VGLL4: variants seen among roughly 807,000 people sequenced by gnomAD.
The protein encoded by VGLL4 is vestigial like family member 4.
A neutral mutation model predicts 21.0 loss-of-function variants in VGLL4; 7 were observed. The ratio of observed to expected loss-of-function variants is 0.33; its 90% CI spans 0.19 to 0.63. The LOEUF is 0.63. VGLL4 is among the 20% of genes least tolerant of loss of function. The pLI, the probability that VGLL4 is intolerant of heterozygous loss-of-function variation, is 0.78. For missense variants in VGLL4, 394 were observed against 425.7 expected, an observed-to-expected ratio of 0.93 and a Z score of 0.66; for synonymous variants, 222 against 173.2, an observed-to-expected ratio of 1.28 and a Z score of -2.21.
chr3:11,676,539 A>C (rs1162927190), intron 2 of VGLL4, among the ~76,000 whole-genome samples: 1 of 151,944 alleles, frequency 6.6e-6, no homozygotes, highest in African/African-American at 2.4e-5. Context: ...CTGAATCACA[A>C]ATCTTGAAAA....
intron 1 of VGLL4, among the ~76,000 whole-genome samples, chr3:11,622,246 G>A (rs112922433): frequency 0.025 from 3,745 of 152,142 alleles, 59 homozygotes; most frequent in Non-Finnish European, 0.035. Context: ...CTTCCCATCC[G>A]GTTTCTTGAT....
At chr3:11,589,965 G>A (rs1381986374) in intron 2 of VGLL4, among the ~76,000 whole-genome samples, 1 of 152,194 alleles carries the variant, frequency 6.6e-6, no homozygotes, top group East Asian at 1.9e-4. Context: ...ACACCACTCA[G>A]TCCATAACAG....
At chr3:11,717,738 T>C (rs1011775561) in intron 1 of VGLL4, among the ~76,000 whole-genome samples, 18 of 152,284 alleles carry the variant, frequency 1.2e-4, no homozygotes, top group Middle Eastern at 3.4e-3. Context: ...AGTTGGGGGA[T>C]AGCAGTAACA....
At chr3:11,581,099 C>T (rs2074212592) in intron 2 of VGLL4, among the ~76,000 whole-genome samples, 1 of 146,632 alleles carries the variant, frequency 6.8e-6, no homozygotes, top group Admixed American at 6.9e-5. Context: ...ATAACTCTTT[C>T]TCTGTCGCCC....
At chr3:11,571,325 C>T (rs559040010) in intron 2 of VGLL4, among the ~76,000 whole-genome samples, 114 of 152,256 alleles carry the variant, frequency 7.5e-4, no homozygotes, top group African/African-American at 1.2e-3. Flanking sequence ...AACCCGAGTG[C>T]GAATGCCGCC....
chr3:11,654,288 A>C (rs2125345857), intron 2 of VGLL4, among the ~76,000 whole-genome samples: 1 of 152,306 alleles, frequency 6.6e-6, no homozygotes, highest in South Asian at 2.1e-4. Context: ...ACAACAAAGG[A>C]TACTAAGTGC....
At chr3:11,660,961 C>T (rs1051505473) in intron 2 of VGLL4, among the ~76,000 whole-genome samples, 1 of 152,144 alleles carries the variant, frequency 6.6e-6, no homozygotes, top group Admixed American at 6.5e-5. Context: ...GCAACAAAAG[C>T]AGCCCATGAT....
At chr3:11,598,438 G>C (rs1345631879) in intron 2 of VGLL4, among the ~76,000 whole-genome samples, 1 of 151,964 alleles carries the variant, frequency 6.6e-6, no homozygotes, top group Non-Finnish European at 1.5e-5. Flanking sequence ...CACCTTTCAG[G>C]CCTTGTTAGC....
At chr3:11,708,535 C>G (rs1420438719) in intron 1 of VGLL4, among the ~76,000 whole-genome samples, 1 of 150,962 alleles carries the variant, frequency 6.6e-6, no homozygotes, top group Non-Finnish European at 1.5e-5. Context: ...TCACGTGTGC[C>G]TGGAGGGCCT....
At chr3:11,630,620 T>C (rs998842153) in intron 1 of VGLL4, among the ~76,000 whole-genome samples, 6 of 152,016 alleles carry the variant, frequency 3.9e-5, no homozygotes, top group Non-Finnish European at 7.4e-5. Context: ...CACTCCAGCC[T>C]GGACAACAAG....
In VGLL4 at chr3:11,560,251, A is replaced by C. The variant is rs565784513; in HGVS notation, c.496-796T>G. On this transcript the variant is annotated intron_variant, in intron 3 of 4. Transcript: ENST00000430365. Reference sequence around the variant, plus strand: ...CGTAAGACCATGCACACCAGGCAGTATGTCTGGCCCCCCAGCTTTGGTGTG... The same window carrying C: ...CGTAAGACCATGCACACCAGGCAGTCTGTCTGGCCCCCCAGCTTTGGTGTG... 2.0e-5 allele frequency among the ~76,000 whole-genome samples: 3 copies of C among 152,350 alleles called. No homozygotes were observed. In the East Asian group the frequency reaches 5.8e-4, roughly 29 times the overall value.
intron 2 of VGLL4, among the ~76,000 whole-genome samples, chr3:11,662,482 T>C (rs1278124073): frequency 1.3e-5 from 2 of 152,174 alleles, no homozygotes; most frequent in African/African-American, 4.8e-5. Context: ...ATAAAATGGA[T>C]TTATCAAAAT....
chr3:11,717,115 T>C (rs937775818), intron 1 of VGLL4, among the ~76,000 whole-genome samples: 1 of 151,836 alleles, frequency 6.6e-6, no homozygotes, highest in African/African-American at 2.4e-5. Context: ...TGAGCTCTCA[T>C]GCTGTAAACA....
chr3:11,563,738 T>C (rs1336333714), intron 3 of VGLL4, among the ~76,000 whole-genome samples: 8 of 152,198 alleles, frequency 5.3e-5, no homozygotes, highest in Non-Finnish European at 1.2e-4. Context: ...TGGTACCCCC[T>C]GGCACACAGC....
chr3:11,617,690 T>C (rs2075188380), intron 1 of VGLL4, among the ~76,000 whole-genome samples: 2 of 152,206 alleles, frequency 1.3e-5, no homozygotes, highest in South Asian at 4.1e-4. Flanking sequence ...TCTCTCAATG[T>C]TGACCCTTCC....
chr3:11,720,804 T>C (rs903610328), upstream of VGLL4: 18 of 152,298 alleles, frequency 1.2e-4, no homozygotes, highest in African/African-American at 3.9e-4. Flanking sequence ...CAGGTTCTTA[T>C]ATTACAGCAG....
chr3:11,575,052 C>T (rs1318058497), intron 2 of VGLL4, among the ~76,000 whole-genome samples: 2 of 152,148 alleles, frequency 1.3e-5, no homozygotes, highest in Admixed American at 6.5e-5. Context: ...TCTTCTTCAA[C>T]GCTCGTGCCA....
At chr3:11,704,487 A>G (rs560174048) in intron 1 of VGLL4, among the ~76,000 whole-genome samples, 1 of 151,934 alleles carries the variant, frequency 6.6e-6, no homozygotes, top group East Asian at 1.9e-4. Context: ...AATATCTACA[A>G]GGAGCTCCAG....
chr3:11,567,121 C>T (rs1575382355), intron 2 of VGLL4, among the ~76,000 whole-genome samples: 1 of 152,158 alleles, frequency 6.6e-6, no homozygotes, highest in African/African-American at 2.4e-5. Context: ...TGATGTCATT[C>T]TGCGCCATCT....
Sources: allele counts gnomAD v4.1 joint callset (sites outside exome capture counted in the v4.1 genomes callset), GRCh38; gene constraint gnomAD v4.1.1; transcripts MANE v1.5; gene names NCBI Gene and HGNC (gene_info 2026-07-23, HGNC 2026-07-21).